Variants in TNRC6B observed in about 807,000 individuals in gnomAD.
The protein encoded by TNRC6B is trinucleotide repeat-containing gene 6B protein.
In TNRC6B, 52 loss-of-function variants were observed where a neutral mutation model predicts 203.6. The observed-to-expected ratio is 0.26, with a 90% CI of 0.20 to 0.32. TNRC6B has a LOEUF of 0.32. Among genes scored for constraint, TNRC6B ranks in the 10% least tolerant of loss-of-function variants. The pLI is 1.00. For missense variants in TNRC6B, 1,923 were observed against 2,286.2 expected (o/e 0.84, Z 3.24); for synonymous variants, 838 against 845.7 (o/e 0.99, Z 0.16).
intron 7 of TNRC6B, among the ~76,000 whole-genome samples, chr22:40,273,972 G>A (rs549001889): frequency 1.3e-5 from 2 of 152,112 alleles, no homozygotes; most frequent in South Asian, 2.1e-4. Flanking sequence ...TAAATGAAAG[G>A]TGTGAGGCAA....
chr22:40,310,784 T>A, intron 16 of TNRC6B, 33 bp from the exon 17 acceptor site: 1 of 1,590,714 alleles, frequency 6.3e-7, no homozygotes. Context: ...ATAGGAGTTA[T>A]TCTGGATGAT....
chr22:40,223,465 T>G (rs1017738724), intron 1 of TNRC6B, among the ~76,000 whole-genome samples: 1 of 152,162 alleles, frequency 6.6e-6, no homozygotes, highest in African/African-American at 2.4e-5. Flanking sequence ...TCAAGGAATC[T>G]CTGTTCACAT....
Position 40,126,580 on chromosome 22 carries a change from A to ATTTTTTTT in TNRC6B, c.45+740_45+747dup, listed in dbSNP as rs955369459. Among the ~76,000 whole-genome samples the ATTTTTTTT allele has an allele frequency of 9.0e-5, 8 of 88,772 alleles. 1 individual carries two copies. The highest frequency in any genetic ancestry group is 3.1e-4 in the East Asian group (1 of 3,258). 58.2% of individuals were successfully genotyped at this position (88,772 alleles called of 152,430 possible). ...CTGTTGCTACAAAGGACGTTATTTA[A>ATTTTTTTT]TTTTTTTTTTTTTTTTTTTTTTTTT... is the stretch of plus-strand genomic sequence containing the variant. On this transcript the variant is annotated intron_variant, in intron 3 of 23. Coordinates refer to the TNRC6B transcript ENST00000301923.
At chr22:40,228,272 A>G (rs2069819394) in intron 1 of TNRC6B, among the ~76,000 whole-genome samples, 2 of 151,822 alleles carry the variant, frequency 1.3e-5, no homozygotes, top group Admixed American at 1.3e-4. Context: ...TACTAAAAAT[A>G]CTAAAAAATT....
chr22:40,227,440 C>T (rs1384360992), intron 1 of TNRC6B, among the ~76,000 whole-genome samples: 4 of 143,016 alleles, frequency 2.8e-5, no homozygotes, highest in African/African-American at 1.0e-4. Flanking sequence ...ATCTTGGCCT[C>T]CCAGGTTCAA....
At chr22:40,051,715 A>G (rs1210920517) in intron 1 of TNRC6B, among the ~76,000 whole-genome samples, 3 of 152,260 alleles carry the variant, frequency 2.0e-5, no homozygotes, top group African/African-American at 4.8e-5. Context: ...TCCAATAGAA[A>G]TAGAATGTAA....
chr22:40,202,252 G>GTTTTTTTGTTTTTT lies in TNRC6B; in HGVS notation c.5+24120_5+24133dup, dbSNP rs2069422546. Among the ~76,000 whole-genome samples the GTTTTTTTGTTTTTT allele has an allele frequency of 7.3e-5, 10 of 137,548 alleles. No homozygotes were observed. The South Asian group carries it at 1.4e-3, about 19-fold the overall frequency. 90.2% of individuals were successfully genotyped at this position (137,548 alleles called of 152,430 possible). A position where few individuals can be genotyped will look rare whatever the true frequency, so the allele number is the denominator to read the frequency against. ...CTCTAAATGTGTATGTGTTGTTGTT[G>GTTTTTTTGTTTTTT]TTTTTTTGTTTTTTTTTTTTTTGCC... On this transcript the variant is annotated intron_variant, in intron 1 of 22. Coordinates refer to ENST00000454349, the MANE Select transcript of TNRC6B (RefSeq NM_001162501.2).
chr22:40,267,326 CCAAA>C (rs1435149640), intron 5 of TNRC6B, among the ~76,000 whole-genome samples: 2 of 152,156 alleles, frequency 1.3e-5, no homozygotes, highest in African/African-American at 2.4e-5. Context: ...ACATATCTTG[CCAAA>C]CAAACTATGT....
chr22:40,312,394 A>AT, intron 17 of TNRC6B, 111 bp from the exon 18 acceptor site: 1 of 1,122,018 alleles, frequency 8.9e-7, no homozygotes, highest in Non-Finnish European at 1.2e-6. Context: ...CTAAGAGACA[A>AT]TAAATTCAGT....
At chr22:40,149,483 A>G (rs1044094279) in intron 3 of TNRC6B, among the ~76,000 whole-genome samples, 1 of 152,090 alleles carries the variant, frequency 6.6e-6, no homozygotes, top group Admixed American at 6.6e-5. Context: ...CCTGGCCAAT[A>G]TGGTGAAACC....
chr22:40,263,858 A>C (rs2070427262), intron 4 of TNRC6B, among the ~76,000 whole-genome samples: 1 of 152,206 alleles, frequency 6.6e-6, no homozygotes, highest in African/African-American at 2.4e-5. Context: ...ACTCCGCAGC[A>C]TTGTGCTGGC....
In TNRC6B at chr22:40,330,880, G is replaced by C. The variant is rs1177681359; in HGVS notation, c.*7639G>C. 6.6e-6 allele frequency: 1 copy of C among 152,666 alleles called. No individual in the cohort carries two copies. The highest frequency in any genetic ancestry group is 1.5e-5 in the Non-Finnish European group (1 of 68,050). 9.5% of individuals were successfully genotyped at this position (152,666 alleles called of 1,614,324 possible). On this transcript the variant is annotated 3_prime_UTR_variant, in exon 23 of 23. Coordinates refer to ENST00000454349, the MANE Select transcript of TNRC6B (RefSeq NM_001162501.2). ...ATTAGCATCAATATTGCACAGTGTA[G>C]AGTTGAGTGGAAGAGATTCTGGGAC...
chr22:40,226,586 T>G (rs2069789050), intron 1 of TNRC6B, among the ~76,000 whole-genome samples: 1 of 152,228 alleles, frequency 6.6e-6, no homozygotes, highest in African/African-American at 2.4e-5. Flanking sequence ...ATCACCTTCC[T>G]TGATGGACTG....
At chr22:40,059,904 C>T (rs1452817272) in intron 1 of TNRC6B, among the ~76,000 whole-genome samples, 1 of 149,416 alleles carries the variant, frequency 6.7e-6, no homozygotes, top group Non-Finnish European at 1.5e-5. Flanking sequence ...CTCACTGCAA[C>T]CTCCGCCTCC....
intron 15 of TNRC6B, among the ~76,000 whole-genome samples, chr22:40,305,337 C>T (rs1487865291): frequency 6.6e-6 from 1 of 152,132 alleles, no homozygotes; most frequent in Non-Finnish European, 1.5e-5. Flanking sequence ...AGCTAAAGCT[C>T]TGTGTTGGTG....
At chr22:40,211,288 CA>C (rs2069559156) in intron 1 of TNRC6B, among the ~76,000 whole-genome samples, 1 of 152,114 alleles carries the variant, frequency 6.6e-6, no homozygotes, top group African/African-American at 2.4e-5. Flanking sequence ...CCATGTTGGC[CA>C]GGCTGGTCTC....
At chr22:40,320,022 TCTGTGATCA>T (rs2071314325) in intron 21 of TNRC6B, among the ~76,000 whole-genome samples, 1 of 152,242 alleles carries the variant, frequency 6.6e-6, no homozygotes, top group Admixed American at 6.5e-5. Context: ...TAAGAGCATT[TCTGTGATCA>T]TTTTCTGCAA....
At chr22:40,050,022 A>G (rs1352665528) in intron 1 of TNRC6B, among the ~76,000 whole-genome samples, 2 of 152,156 alleles carry the variant, frequency 1.3e-5, no homozygotes, top group Non-Finnish European at 2.9e-5. Context: ...TTATAATTAT[A>G]GTTATTATTA....
intron 3 of TNRC6B, among the ~76,000 whole-genome samples, chr22:40,255,843 CTTGTTTGTTTGT>C (rs150478933): frequency 0.32 from 48,245 of 151,536 alleles, 8,322 homozygotes; most frequent in South Asian, 0.46. Flanking sequence ...TGTTTGTTTG[CTTGTTTGTTTGT>C]TTGTTTGTTT....
Sources: gnomAD v4.1 joint callset for allele counts (sites outside exome capture counted in the v4.1 genomes callset) on GRCh38, gnomAD v4.1.1 for gene constraint, MANE v1.5 for transcripts, NCBI Gene and HGNC (gene_info 2026-07-23, HGNC 2026-07-21) for gene names.